The following UBE2L6 variants were observed in gnomAD, a reference collection of about 807,000 sequenced individuals.
The protein encoded by UBE2L6 is ubiquitin/ISG15-conjugating enzyme E2 L6.
In UBE2L6, 11 loss-of-function variants were observed where a neutral mutation model predicts 13.6. That is an observed-to-expected ratio of 0.81 (90% CI 0.51 to 1.34). UBE2L6 has a LOEUF of 1.34. UBE2L6 is among the 40% of genes most tolerant of loss of function. The probability of loss-of-function intolerance (pLI) is 0.00; values close to 1 mark genes in which losing one functional copy is unlikely to be tolerated. For missense variants in UBE2L6, 197 were observed against 199.5 expected, an observed-to-expected ratio of 0.99 and a Z score of 0.07; for synonymous variants, 74 against 83.2, an observed-to-expected ratio of 0.89 and a Z score of 0.60.
intron 3 of UBE2L6, among the ~76,000 whole-genome samples, chr11:57,553,987 G>A (rs767815737): frequency 6.6e-6 from 1 of 152,162 alleles, no homozygotes; most frequent in Non-Finnish European, 1.5e-5. Context: ...TCACGGGCTT[G>A]TTGGGGAAAT....
chr11:57,566,147 A>T (rs759112783), intron 1 of UBE2L6, among the ~76,000 whole-genome samples: 1 of 152,202 alleles, frequency 6.6e-6, no homozygotes, highest in African/African-American at 2.4e-5. Context: ...ACCGGAGAAG[A>T]TCTGGAATAG....
At position 57,554,431 on chromosome 11, in the gene UBE2L6, C is replaced by T. The variant is rs1944981819; in HGVS notation, c.310+6G>A. ...AGTCCCTCCTCCAAGCAAAGCCCAACCCCACCTTGGCAAGTCTTGGTGCAA... is the reference window on the plus strand; with the variant it reads ...AGTCCCTCCTCCAAGCAAAGCCCAATCCCACCTTGGCAAGTCTTGGTGCAA... On this transcript the variant is annotated splice_donor_region_variant and intron_variant, in intron 3 of 3. Coordinates refer to ENST00000287156, the MANE Select transcript of UBE2L6 (RefSeq NM_004223.5). 4.3e-6 allele frequency: 7 copies of T among 1,613,106 alleles called. No individual in the cohort carries two copies. Among genetic ancestry groups the T allele is most frequent in the African/African-American group, 2.7e-5 (2 of 74,922 alleles).
intron 2 of UBE2L6, among the ~76,000 whole-genome samples, chr11:57,556,227 T>C (rs1565159003): frequency 6.6e-6 from 1 of 151,916 alleles, no homozygotes; most frequent in Non-Finnish European, 1.5e-5. Context: ...GCCTCACGTT[T>C]GTAATCCCAG....
rs758899667 is a variant in UBE2L6, at chr11:57,552,334, G to A, written c.*24C>T. On this transcript the variant is annotated 3_prime_UTR_variant, in exon 4 of 4. Coordinates refer to ENST00000287156, the MANE Select transcript of UBE2L6 (RefSeq NM_004223.5). Reference sequence around the variant, plus strand: ...GTCCGTCCGCTATGCCGAGGATCCAGTGCACAGAGGGTCAGAACATGAGTT... The same window carrying A: ...GTCCGTCCGCTATGCCGAGGATCCAATGCACAGAGGGTCAGAACATGAGTT... The A allele has an allele frequency of 6.2e-7, 1 of 1,613,674 alleles. No homozygotes were observed. The highest frequency in any genetic ancestry group is 1.1e-5 in the South Asian group (1 of 91,048).
Position 57,552,399 on chromosome 11 carries a change from C to T in UBE2L6, c.421G>A (p.Glu141Lys), listed in dbSNP as rs765553953. Reference protein sequence around the residue: ...QNPELFRKNAEEFTLRFGVDR... With the variant: ...QNPELFRKNAKEFTLRFGVDR... ...ACTCCGAATCGGAGGGTGAACTCTT[C>T]GGCATTCTTTCTGAACAGCTCCGGA... The change falls in exon 4 of 4, where the codon GAA (glutamate) becomes AAA (lysine). Residue 141 changes from glutamate to lysine, a missense_variant. By Grantham distance (56) the Glu-to-Lys change is moderately conservative. Transcript: ENST00000287156. 4.3e-6 allele frequency: 7 copies of T among 1,614,072 alleles called. No individual in the cohort carries two copies. The highest frequency in any genetic ancestry group is 2.2e-5 in the South Asian group (2 of 91,090).
At chr11:57,565,411 T>C (rs1406441527) in intron 1 of UBE2L6, among the ~76,000 whole-genome samples, 1 of 131,884 alleles carries the variant, frequency 7.6e-6, no homozygotes, top group African/African-American at 2.8e-5. Flanking sequence ...GTCACCCAGA[T>C]TGGAGTCCAG....
At position 57,560,650 on chromosome 11, in the gene UBE2L6, T is replaced by C. The variant is rs1945035792; in HGVS notation, c.28-218A>G. On this transcript the variant is annotated intron_variant, in intron 1 of 3. Coordinates refer to ENST00000287156, the MANE Select transcript of UBE2L6 (RefSeq NM_004223.5). ...TTTTTTTTTTTTTTGAGACAGAGTC[T>C]CGCTCTGTTGCCCAGGCTGGAATGC... The C allele has an allele frequency of 7.1e-6, 3 of 425,502 alleles. No homozygotes were observed. In the South Asian group the frequency reaches 7.9e-5, roughly 11 times the overall value. The allele number at this position is 425,502 out of a possible 1,614,324, so 26.4% of individuals were successfully genotyped here.
At chr11:57,557,902 A>G (rs927765269) in intron 2 of UBE2L6, among the ~76,000 whole-genome samples, 2 of 152,044 alleles carry the variant, frequency 1.3e-5, no homozygotes, top group South Asian at 4.2e-4. Context: ...AGCTCCGGGG[A>G]CCTGTCCCAG....
intron 1 of UBE2L6, among the ~76,000 whole-genome samples, chr11:57,564,954 G>C (rs1299632313): frequency 6.6e-6 from 1 of 151,856 alleles, no homozygotes; most frequent in Admixed American, 6.6e-5. Context: ...CAATAAGAAA[G>C]AAATAGAAAT....
chr11:57,562,269 A>G (rs1213078342), intron 1 of UBE2L6, among the ~76,000 whole-genome samples: 1 of 152,194 alleles, frequency 6.6e-6, no homozygotes, highest in Non-Finnish European at 1.5e-5. Context: ...AGTGGGAAGG[A>G]CTGTGTCCTG....
chr11:57,567,155 A>C, intron 1 of UBE2L6: 1 of 462,086 alleles, frequency 2.2e-6, no homozygotes, highest in South Asian at 1.6e-5. Context: ...AAATTATGGG[A>C]TGGGCTATGG....
intron 2 of UBE2L6, among the ~76,000 whole-genome samples, chr11:57,555,687 C>T (rs1944991885): frequency 6.6e-6 from 1 of 152,116 alleles, no homozygotes; most frequent in Non-Finnish European, 1.5e-5. Flanking sequence ...AGTGATCCTC[C>T]CACCTCAGCC....
At chr11:57,565,158 C>G (rs1292154043) in intron 1 of UBE2L6, among the ~76,000 whole-genome samples, 2 of 151,704 alleles carry the variant, frequency 1.3e-5, no homozygotes, top group African/African-American at 2.4e-5. Context: ...AGGAGAATCA[C>G]TTGAGCCTGG....
At chr11:57,565,782 AC>A (rs1945086444) in intron 1 of UBE2L6, among the ~76,000 whole-genome samples, 1 of 152,200 alleles carries the variant, frequency 6.6e-6, no homozygotes, top group African/African-American at 2.4e-5. Context: ...AAATCTAAAA[AC>A]ATACAATGGA....
intron 1 of UBE2L6, among the ~76,000 whole-genome samples, chr11:57,560,682 G>A (rs10792104): frequency 0.23 from 33,731 of 149,518 alleles, 3,979 homozygotes; most frequent in African/African-American, 0.27. Context: ...ATGCAGTGGC[G>A]CAATCTCGGC....
intron 1 of UBE2L6, 72 bp downstream of exon 1, chr11:57,567,513 G>T: frequency 6.3e-7 from 1 of 1,576,134 alleles, no homozygotes. Flanking sequence ...GAGCCGCGGA[G>T]GGGATGGAGG....
chr11:57,558,965 G>A (rs903911007), intron 2 of UBE2L6, among the ~76,000 whole-genome samples: 54 of 152,326 alleles, frequency 3.5e-4, no homozygotes, highest in African/African-American at 1.2e-3. Flanking sequence ...TTCCTGGGGC[G>A]CACTTAACCA....
At chr11:57,559,624 G>A (rs1276439494) in intron 2 of UBE2L6, among the ~76,000 whole-genome samples, 1 of 151,652 alleles carries the variant, frequency 6.6e-6, no homozygotes. Context: ...AAAAAAACAA[G>A]TCCAAATCCT....
chr11:57,552,495 T>G lies in UBE2L6; in HGVS notation c.325A>C (p.Asn109His), dbSNP rs763786718. 32 of 1,614,006 alleles carry G rather than the reference T, an allele frequency of 2.0e-5. No homozygotes were observed. The highest frequency in any genetic ancestry group is 2.6e-5 in the Non-Finnish European group (31 of 1,180,026). Residue 109 changes from asparagine (N) to histidine (H), a missense_variant, in exon 4 of 4, where the codon AAT becomes CAT. Physicochemically the swap from Asn to His is moderately conservative, Grantham distance 68. Transcript: ENST00000287156. ...TKTCQVLEAL[N>H]VLVNRPNIRE... ...ATATTCGGTCTATTCACCAGCACAT[T>G]GAGGGCCTCCAGGACTGGGGAGAGA...
Sources: allele counts gnomAD v4.1 joint callset (sites outside exome capture counted in the v4.1 genomes callset), GRCh38; gene constraint gnomAD v4.1.1; transcripts MANE v1.5; gene names NCBI Gene and HGNC (gene_info 2026-07-23, HGNC 2026-07-21).